The following NKAIN2 variants were observed in gnomAD, a reference collection of about 807,000 sequenced individuals.
The protein encoded by NKAIN2 is sodium/potassium-transporting ATPase subunit beta-1-interacting protein 2.
In NKAIN2, 14 loss-of-function variants were observed where a neutral mutation model predicts 32.6. That is an observed-to-expected ratio of 0.43 (90% CI 0.28 to 0.67). NKAIN2 has a LOEUF of 0.67. NKAIN2 is among the 30% of genes least tolerant of loss of function. The pLI is 0.17. For missense variants in NKAIN2, 198 were observed against 258.3 expected (o/e 0.77, Z 1.60); for synonymous variants, 80 against 87.2 (o/e 0.92, Z 0.46).
intron 3 of NKAIN2, among the ~76,000 whole-genome samples, chr6:124,384,918 C>T (rs377754399): frequency 1.2e-4 from 18 of 152,138 alleles, no homozygotes; most frequent in Non-Finnish European, 2.4e-4. Flanking sequence ...CCACTCTGCC[C>T]GTCTCTTTTA....
intron 1 of NKAIN2, among the ~76,000 whole-genome samples, chr6:124,136,083 C>T (rs1786769693): frequency 6.6e-6 from 1 of 151,414 alleles, no homozygotes; most frequent in African/African-American, 2.4e-5. Flanking sequence ...ATAAATGAAA[C>T]GAAAAGATGT....
intron 3 of NKAIN2, among the ~76,000 whole-genome samples, chr6:124,621,130 T>C (rs1319151481): frequency 6.6e-6 from 1 of 152,192 alleles, no homozygotes; most frequent in Non-Finnish European, 1.5e-5. Flanking sequence ...TGGTAAGGAA[T>C]ACTACTGGGC....
chr6:123,822,874 C>T (rs1375060871), intron 1 of NKAIN2, among the ~76,000 whole-genome samples: 1 of 152,138 alleles, frequency 6.6e-6, no homozygotes, highest in African/African-American at 2.4e-5. Context: ...ATTTAAAATG[C>T]TCAGAATGGT....
At chr6:123,895,210 C>T (rs1018564406) in intron 1 of NKAIN2, among the ~76,000 whole-genome samples, 1 of 151,996 alleles carries the variant, frequency 6.6e-6, no homozygotes, top group Non-Finnish European at 1.5e-5. Flanking sequence ...CACACACACA[C>T]ACACACAAGA....
chr6:124,366,359 T>C (rs1219405341), intron 3 of NKAIN2, among the ~76,000 whole-genome samples: 1 of 152,072 alleles, frequency 6.6e-6, no homozygotes, highest in Non-Finnish European at 1.5e-5. Context: ...ATAGACAAAT[T>C]CTTTGGAGAC....
At chr6:123,955,719 G>A (rs1257643485) in intron 1 of NKAIN2, among the ~76,000 whole-genome samples, 1 of 151,656 alleles carries the variant, frequency 6.6e-6, no homozygotes, top group Non-Finnish European at 1.5e-5. Flanking sequence ...TCGAACTCCT[G>A]GTCTCAAGCC....
At chr6:124,024,704 C>T (rs1375135356) in intron 1 of NKAIN2, among the ~76,000 whole-genome samples, 1 of 151,988 alleles carries the variant, frequency 6.6e-6, no homozygotes, top group Non-Finnish European at 1.5e-5. Context: ...GAGTGCTTTT[C>T]CTGGCCAGGC....
At chr6:124,815,534 T>C (rs945482416) in intron 5 of NKAIN2, among the ~76,000 whole-genome samples, 1 of 152,062 alleles carries the variant, frequency 6.6e-6, no homozygotes, top group Non-Finnish European at 1.5e-5. Context: ...CCTCCCACAG[T>C]GCTGGGATTA....
intron 1 of NKAIN2, among the ~76,000 whole-genome samples, chr6:123,907,470 GT>G (rs551568019): frequency 6.6e-6 from 1 of 152,126 alleles, no homozygotes; most frequent in South Asian, 2.1e-4. Flanking sequence ...GCTCAAATAA[GT>G]TAACAGACAG....
chr6:124,600,748 G>GT (rs1222255919), intron 3 of NKAIN2, among the ~76,000 whole-genome samples: 1 of 151,992 alleles, frequency 6.6e-6, no homozygotes, highest in African/African-American at 2.4e-5. Flanking sequence ...GTCAGTTATA[G>GT]TTTTTTTGGA....
intron 1 of NKAIN2, among the ~76,000 whole-genome samples, chr6:123,892,521 A>G (rs1774069603): frequency 1.3e-5 from 2 of 151,898 alleles, no homozygotes; most frequent in Admixed American, 6.6e-5. Context: ...AACCACCCCC[A>G]TGATCCAATT....
At chr6:124,250,618 G>T (rs1434317687) in intron 1 of NKAIN2, among the ~76,000 whole-genome samples, 1 of 151,874 alleles carries the variant, frequency 6.6e-6, no homozygotes, top group African/African-American at 2.4e-5. Context: ...GCTAGCATTT[G>T]GTCAAAATGA....
chr6:124,663,275 CA>C (rs944706042), intron 4 of NKAIN2, among the ~76,000 whole-genome samples: 1 of 151,330 alleles, frequency 6.6e-6, no homozygotes, highest in Non-Finnish European at 1.5e-5. Flanking sequence ...AATACACACA[CA>C]AAAAAATAGC....
At chr6:123,965,430 C>T (rs1275766134) in intron 1 of NKAIN2, among the ~76,000 whole-genome samples, 2 of 152,140 alleles carry the variant, frequency 1.3e-5, no homozygotes, top group African/African-American at 4.8e-5. Context: ...CTTATCCTAT[C>T]ATGTTAATCC....
chr6:124,646,257 A>G (rs1421890738), intron 3 of NKAIN2, among the ~76,000 whole-genome samples: 1 of 152,200 alleles, frequency 6.6e-6, no homozygotes, highest in Non-Finnish European at 1.5e-5. Context: ...TATAAAAAGA[A>G]CAATTAGAGA....
At chr6:123,987,500 T>C (rs1452761511) in intron 1 of NKAIN2, among the ~76,000 whole-genome samples, 3 of 152,204 alleles carry the variant, frequency 2.0e-5, no homozygotes, top group Non-Finnish European at 4.4e-5. Context: ...TGGGCCGATG[T>C]GGGAGGTTTT....
chr6:124,433,407 C>G (rs1775301415), intron 3 of NKAIN2, among the ~76,000 whole-genome samples: 1 of 152,190 alleles, frequency 6.6e-6, no homozygotes, highest in Non-Finnish European at 1.5e-5. Flanking sequence ...TCCTCCCCAG[C>G]TACAGGATAG....
chr6:124,257,992 GC>G (rs901833817), intron 1 of NKAIN2, among the ~76,000 whole-genome samples: 51 of 151,916 alleles, frequency 3.4e-4, no homozygotes, highest in African/African-American at 1.1e-3. Flanking sequence ...TGTTGGCCAG[GC>G]TGGTCTCAAA....
intron 1 of NKAIN2, among the ~76,000 whole-genome samples, chr6:124,175,156 C>T (rs908577278): frequency 1.3e-5 from 2 of 152,046 alleles, no homozygotes; most frequent in Non-Finnish European, 2.9e-5. Flanking sequence ...ATTTTCTTTG[C>T]ACTTTACTTC....
Sources: gnomAD v4.1 joint callset for allele counts (sites outside exome capture counted in the v4.1 genomes callset) on GRCh38, gnomAD v4.1.1 for gene constraint, MANE v1.5 for transcripts, NCBI Gene and HGNC (gene_info 2026-07-23, HGNC 2026-07-21) for gene names.